ST18: variants seen among roughly 807,000 people sequenced by gnomAD.
The protein encoded by ST18 is suppression of tumorigenicity 18 protein.
A neutral mutation model predicts 110.0 loss-of-function variants in ST18; 50 were observed. That is an observed-to-expected ratio of 0.45 (90% CI 0.36 to 0.58). The LOEUF (loss-of-function observed/expected upper bound fraction) is 0.58, where lower values mean the gene tolerates loss of function less well. ST18 is among the 20% of genes least tolerant of loss of function. ST18 has a pLI of 0.00. For missense variants in ST18, 1,306 were observed against 1,280.1 expected, an observed-to-expected ratio of 1.02 and a Z score of -0.31; for synonymous variants, 461 against 452.4, an observed-to-expected ratio of 1.02 and a Z score of -0.24.
intron 9 of ST18, among the ~76,000 whole-genome samples, chr8:52,173,016 T>A (rs1011326645): frequency 3.3e-5 from 5 of 152,214 alleles, no homozygotes; most frequent in African/African-American, 1.2e-4. Context: ...ATAGTATACA[T>A]TGTAAAGGAG....
At chr8:52,223,137 G>A (rs1017472469) in intron 3 of ST18, among the ~76,000 whole-genome samples, 11 of 152,260 alleles carry the variant, frequency 7.2e-5, no homozygotes, top group African/African-American at 2.6e-4. Context: ...AATAATTAGG[G>A]ACTCTCAGTC....
chr8:52,315,443 G>A (rs2096006575), intron 2 of ST18, among the ~76,000 whole-genome samples: 1 of 152,172 alleles, frequency 6.6e-6, no homozygotes, highest in South Asian at 2.1e-4. Context: ...GTCCCTTCAA[G>A]GAGGCCAACT....
chr8:52,379,706 A>G (rs898400676), intron 2 of ST18, among the ~76,000 whole-genome samples: 13 of 152,240 alleles, frequency 8.5e-5, no homozygotes, highest in Admixed American at 3.3e-4. Context: ...ATACACGAAT[A>G]TATTACAAAA....
At chr8:52,281,392 C>T (rs551033160) in intron 2 of ST18, among the ~76,000 whole-genome samples, 12 of 151,478 alleles carry the variant, frequency 7.9e-5, no homozygotes, top group Admixed American at 3.3e-4. Flanking sequence ...AAGCATTGTT[C>T]GAAGAGACTA....
chr8:52,114,345 T>C (rs570282962), intron 25 of ST18, among the ~76,000 whole-genome samples: 10 of 152,218 alleles, frequency 6.6e-5, no homozygotes, highest in South Asian at 2.1e-4. Flanking sequence ...GCTGGATACA[T>C]GTAAATTTCA....
intron 2 of ST18, among the ~76,000 whole-genome samples, chr8:52,402,287 G>T (rs773440478): frequency 1.3e-5 from 2 of 152,158 alleles, no homozygotes; most frequent in African/African-American, 4.8e-5. Flanking sequence ...ACATGTGATT[G>T]GAATGGCTGT....
intron 2 of ST18, among the ~76,000 whole-genome samples, chr8:52,310,911 G>A (rs1416895396): frequency 6.6e-6 from 1 of 152,162 alleles, no homozygotes; most frequent in Non-Finnish European, 1.5e-5. Flanking sequence ...GGGTGCCACT[G>A]GGAAGCTGTG....
chr8:52,140,655 A>G (rs1259562456), intron 17 of ST18, among the ~76,000 whole-genome samples: 2 of 152,146 alleles, frequency 1.3e-5, no homozygotes, highest in South Asian at 2.1e-4. Flanking sequence ...TGGAATGATT[A>G]TATTCCAAAA....
chr8:52,406,467 G>C (rs988625187), intron 2 of ST18: 1 of 152,378 alleles, frequency 6.6e-6, no homozygotes, highest in Non-Finnish European at 1.5e-5. Context: ...GCGGGCCAGC[G>C]ATCTGGCCTT....
chr8:52,119,061 G>A (rs762892789), intron 23 of ST18, among the ~76,000 whole-genome samples: 10 of 152,140 alleles, frequency 6.6e-5, no homozygotes, highest in Non-Finnish European at 5.9e-5. Context: ...ACATGGATGA[G>A]GAAAATGTAA....
chr8:52,182,044 T>G (rs1400815930), intron 8 of ST18, among the ~76,000 whole-genome samples: 1 of 152,034 alleles, frequency 6.6e-6, no homozygotes, highest in Non-Finnish European at 1.5e-5. Flanking sequence ...CCAAAAAAAA[T>G]CCTTGCAAAA....
At chr8:52,402,317 C>T (rs1307710570) in intron 2 of ST18, among the ~76,000 whole-genome samples, 1 of 152,148 alleles carries the variant, frequency 6.6e-6, no homozygotes, top group African/African-American at 2.4e-5. Flanking sequence ...GTCCTGGGCT[C>T]AGTGTCTTGT....
At chr8:52,206,244 A>G (rs1331428923) in intron 8 of ST18, among the ~76,000 whole-genome samples, 1 of 152,182 alleles carries the variant, frequency 6.6e-6, no homozygotes, top group East Asian at 1.9e-4. Context: ...CGCTGTGCAC[A>G]TTGTTCCCAC....
At chr8:52,281,587 A>G (rs1260635385) in intron 2 of ST18, among the ~76,000 whole-genome samples, 1 of 152,200 alleles carries the variant, frequency 6.6e-6, no homozygotes, top group East Asian at 1.9e-4. Context: ...TCTCAGAATG[A>G]TCTAGATAGC....
At chr8:52,184,206 G>T (rs947194264) in intron 8 of ST18, among the ~76,000 whole-genome samples, 1 of 152,118 alleles carries the variant, frequency 6.6e-6, no homozygotes, top group Non-Finnish European at 1.5e-5. Context: ...GGAAATAAAT[G>T]AGCTCTATTA....
chr8:52,126,292 C>A (rs1402145257), intron 22 of ST18, 152 bp from the exon 23 acceptor site: 2 of 692,030 alleles, frequency 2.9e-6, no homozygotes, highest in Non-Finnish European at 4.5e-6. Context: ...TGAATACATA[C>A]CCATTAAAGC....
intron 2 of ST18, among the ~76,000 whole-genome samples, chr8:52,381,391 C>T (rs1834458167): frequency 6.6e-6 from 1 of 152,176 alleles, no homozygotes; most frequent in South Asian, 2.1e-4. Flanking sequence ...CTGTTTTCTT[C>T]TGTGTAGCTT....
At chr8:52,288,911 G>GCTGACTCCACCACTAGCT in intron 2 of ST18, among the ~76,000 whole-genome samples, 1 of 152,034 alleles carries the variant, frequency 6.6e-6, no homozygotes, top group South Asian at 2.1e-4. Context: ...TGTGGGCTTT[G>GCTGACTCCACCACTAGCT]CTGACTCCAC....
intron 11 of ST18, 51 bp downstream of exon 11, chr8:52,166,801 T>G (rs1285374077): frequency 4.1e-6 from 6 of 1,450,566 alleles, no homozygotes; most frequent in Non-Finnish European, 5.5e-6. Flanking sequence ...GATAACATCT[T>G]GATGATCTGG....
Sources: gnomAD v4.1 joint callset for allele counts (sites outside exome capture counted in the v4.1 genomes callset) on GRCh38, gnomAD v4.1.1 for gene constraint, MANE v1.5 for transcripts, NCBI Gene and HGNC (gene_info 2026-07-23, HGNC 2026-07-21) for gene names.